Variants in SMCO3 observed in about 807,000 individuals in gnomAD.
SMCO3 encodes the protein single-pass membrane and coiled-coil domain-containing protein 3.
SMCO3 carries 6 observed loss-of-function variants against 12.0 expected under a neutral mutation model. The ratio of observed to expected loss-of-function variants is 0.50; its 90% CI spans 0.27 to 0.99. SMCO3 has a LOEUF of 0.99. Among genes scored for constraint, SMCO3 ranks in the 50% least tolerant of loss-of-function variants. The pLI, the probability that SMCO3 is intolerant of heterozygous loss-of-function variation, is 0.11. For missense variants in SMCO3, 279 were observed against 265.0 expected (o/e 1.05, Z -0.37); for synonymous variants, 96 against 96.4 (o/e 1.00, Z 0.02).
chr12:14,813,619 G>A (rs1356977035), intron 1 of SMCO3, among the ~76,000 whole-genome samples: 2 of 152,168 alleles, frequency 1.3e-5, no homozygotes, highest in East Asian at 1.9e-4. Context: ...CCCTCAAGAC[G>A]ATAACAGCCT....
chr12:14,811,025 C>A (rs977111561), intron 1 of SMCO3, among the ~76,000 whole-genome samples: 27 of 152,276 alleles, frequency 1.8e-4, no homozygotes, highest in Admixed American at 7.2e-4. Context: ...TCATTGATGA[C>A]CTGTCACTTT....
Position 14,806,339 on chromosome 12 carries a change from T to A in SMCO3, c.342A>T (p.Gln114His), listed in dbSNP as rs1242726116. Residue 114 changes from glutamine to histidine, a missense_variant, in exon 2 of 2, where the codon CAA becomes CAT. By Grantham distance (24) the Gln-to-His change is conservative. Coordinates refer to ENST00000316048, the MANE Select transcript of SMCO3 (RefSeq NM_001013698.2). The part of the protein sequence containing the change: ...EKETDKIAIV[Q>H]KVISVILGEA... ...CTCCCAGGATGACCGAAATAACCTT[T>A]TGCACTATTGCAATTTTGTCTGTTT... 3 of 1,614,216 alleles carry A rather than the reference T, an allele frequency of 1.9e-6. No individual in the cohort carries two copies. The Admixed American group carries it at 5.0e-5, about 27-fold the overall frequency.
chr12:14,812,762 A>G (rs938444738), intron 1 of SMCO3, among the ~76,000 whole-genome samples: 10 of 151,854 alleles, frequency 6.6e-5, no homozygotes, highest in African/African-American at 9.7e-5. Flanking sequence ...AATTTTTACA[A>G]TTTTTATTTT....
chr12:14,805,650 A>G lies in SMCO3; in HGVS notation c.*353T>C, dbSNP rs1026594770. 2 of 181,034 alleles carry G rather than the reference A, an allele frequency of 1.1e-5. No individual in the cohort carries two copies. The highest frequency in any genetic ancestry group is 2.3e-5 in the Non-Finnish European group (2 of 87,482). The allele number at this position is 181,034 out of a possible 1,614,324, so 11.2% of individuals were successfully genotyped here. On this transcript the variant is annotated 3_prime_UTR_variant, in exon 2 of 2. Coordinates refer to ENST00000316048, the MANE Select transcript of SMCO3 (RefSeq NM_001013698.2). Reference sequence around the variant, plus strand: ...TGGTGGTAGAAATGAAAGTCTCTGCATTCAATGTGAAATTTAAGAATTTTA... The same window carrying G: ...TGGTGGTAGAAATGAAAGTCTCTGCGTTCAATGTGAAATTTAAGAATTTTA...
chr12:14,807,117 C>T (rs1246335500), intron 1 of SMCO3, among the ~76,000 whole-genome samples: 1 of 152,214 alleles, frequency 6.6e-6, no homozygotes, highest in Non-Finnish European at 1.5e-5. Flanking sequence ...CAGGCGTGAG[C>T]CACTGTGCCC....
Position 14,804,735 on chromosome 12 carries a change from T to G in SMCO3, c.*1268A>C, listed in dbSNP as rs150423686. On this transcript the variant is annotated 3_prime_UTR_variant, in exon 2 of 2. Transcript: ENST00000316048. The stretch of plus-strand genomic sequence containing the variant: ...GTGATCATAGTTTTGCAACTCGTTT[T>G]GAAAAACAATGCAAGAAGAGAAAGA... 3 of 152,358 alleles carry G rather than the reference T, an allele frequency of 2.0e-5. No homozygotes were observed. The East Asian group carries it at 5.8e-4, about 29-fold the overall frequency. 9.4% of individuals were successfully genotyped at this position (152,358 alleles called of 1,614,324 possible).
rs1296606809 is a variant in SMCO3 at position 14,805,017 on chromosome 12, G to A, written c.*986C>T. 3 of 152,184 alleles carry A rather than the reference G, an allele frequency of 2.0e-5. No homozygotes were observed. The highest frequency in any genetic ancestry group is 1.9e-4 in the East Asian group (1 of 5,204). The allele number at this position is 152,184 out of a possible 1,614,324, so 9.4% of individuals were successfully genotyped here. ...ACAAACACATCTGCAGAGATTCAGC[G>A]GAACCATTAATAGGCTTCCATAGCC... On this transcript the variant is annotated 3_prime_UTR_variant, in exon 2 of 2. Coordinates refer to ENST00000316048, the MANE Select transcript of SMCO3 (RefSeq NM_001013698.2).
chr12:14,812,422 T>G (rs12146743), intron 1 of SMCO3, among the ~76,000 whole-genome samples: 2 of 151,710 alleles, frequency 1.3e-5, no homozygotes, highest in African/African-American at 4.8e-5. Context: ...CCGGCCTGGG[T>G]GACAGAGGGA....
chr12:14,810,186 T>C (rs1267499755), intron 1 of SMCO3, among the ~76,000 whole-genome samples: 19 of 152,200 alleles, frequency 1.2e-4, no homozygotes, highest in Non-Finnish European at 2.9e-5. Context: ...GGGGAGGGTT[T>C]TCTTGTGCTA....
At position 14,806,188 on chromosome 12, in the gene SMCO3, C is replaced by G; in HGVS notation, c.493G>C (p.Val165Leu). 3.1e-6 allele frequency: 5 copies of G among 1,614,100 alleles called. No homozygotes were observed. The highest frequency in any genetic ancestry group is 4.2e-6 in the Non-Finnish European group (5 of 1,179,980). Residue 165 changes from valine (V) to leucine (L), a missense_variant, in exon 2 of 2, where the codon GTT (valine) becomes CTT (leucine). Transcript: ENST00000316048. ...TCTATGCCAAGGCCAAGAACAGCAACTCCAATACTACCAAGGAGAGAAGCA... is the reference window on the plus strand; with the variant it reads ...TCTATGCCAAGGCCAAGAACAGCAAGTCCAATACTACCAAGGAGAGAAGCA... The part of the protein sequence containing the change: ...IGASLLGSIG[V>L]AVLGLGIDMI...
chr12:14,806,521 T>C lies in SMCO3; in HGVS notation c.160A>G (p.Ile54Val), dbSNP rs1164345840. 1.2e-6 allele frequency: 2 copies of C among 1,614,148 alleles called. No homozygotes were observed. Among genetic ancestry groups the C allele is most frequent in the East Asian group, 4.5e-5 (2 of 44,870 alleles). ...NMHLGCRLAS[I>V]EMKRDGTIKE... ...ATGGTCCCATCTCTTTTCATCTCAA[T>C]GGAGGCCAGCCTGCACCCCAAGTGC... Residue 54 changes from isoleucine to valine, a missense_variant, in exon 2 of 2, where the codon ATT becomes GTT. Coordinates refer to ENST00000316048, the MANE Select transcript of SMCO3 (RefSeq NM_001013698.2).
At position 14,806,435 on chromosome 12, in the gene SMCO3, C is replaced by T. The variant is rs920907729; in HGVS notation, c.246G>A (p.Lys82=). 3 of 1,614,036 alleles carry T rather than the reference C, an allele frequency of 1.9e-6. No individual in the cohort carries two copies. The highest frequency in any genetic ancestry group is 2.7e-5 in the African/African-American group (2 of 74,896). The change falls in exon 2 of 2, where the codon AAG becomes AAA. Residue 82 remains lysine, a synonymous_variant. Coordinates refer to ENST00000316048, the MANE Select transcript of SMCO3 (RefSeq NM_001013698.2). Reference sequence around the variant, plus strand: ...GCTTATCTTTTAGTGCTTCATCAACCTTCTGCAATTCCTTTTGGATTTTCA... The same window carrying T: ...GCTTATCTTTTAGTGCTTCATCAACTTTCTGCAATTCCTTTTGGATTTTCA... ...AIMKIQKELQ[K]VDEALKDKLE... is the part of the protein sequence containing the mutation.
intron 1 of SMCO3, among the ~76,000 whole-genome samples, chr12:14,808,788 A>G (rs1051796263): frequency 1.3e-5 from 2 of 152,234 alleles, no homozygotes; most frequent in African/African-American, 4.8e-5. Context: ...ACACATACAC[A>G]TATATACAGG....
intron 1 of SMCO3, among the ~76,000 whole-genome samples, chr12:14,809,063 C>T (rs1007121182): frequency 6.6e-6 from 1 of 152,178 alleles, no homozygotes; most frequent in African/African-American, 2.4e-5. Context: ...TTCTGACTGA[C>T]AGGAGAAAAT....
At chr12:14,813,567 T>C (rs1216310111) in intron 1 of SMCO3, among the ~76,000 whole-genome samples, 3 of 152,262 alleles carry the variant, frequency 2.0e-5, no homozygotes, top group Non-Finnish European at 2.9e-5. Flanking sequence ...GTGAAGCCTC[T>C]ACTGTGTCCC....
Position 14,812,171 on chromosome 12 carries a change from G to A in SMCO3, c.-17+1955C>T, listed in dbSNP as rs187111101. Among the ~76,000 whole-genome samples, 18 of 152,346 alleles carry A rather than the reference G, an allele frequency of 1.2e-4. 1 individual carries two copies. The East Asian group carries it at 3.1e-3, about 26-fold the overall frequency. On this transcript the variant is annotated intron_variant, in intron 1 of 1. Coordinates refer to ENST00000316048, the MANE Select transcript of SMCO3 (RefSeq NM_001013698.2). ...TAGCTTTAAAAATATTTGGCCGGGCGTGGTGGCTCACGCCTGTAATCCGAG... is the reference window on the plus strand; with the variant it reads ...TAGCTTTAAAAATATTTGGCCGGGCATGGTGGCTCACGCCTGTAATCCGAG...
At position 14,806,712 on chromosome 12, in the gene SMCO3, G is replaced by T. The variant is rs559452173; in HGVS notation, c.-16-16C>A. 17 of 1,542,772 alleles carry T rather than the reference G, an allele frequency of 1.1e-5. No homozygotes were observed. In the South Asian group the frequency reaches 2.1e-4, roughly 19 times the overall value. ...AATATGATCGCTGAAAAATAAAATG[G>T]TAAATTTTTACTGAAAGTCTTAAAA... On this transcript the variant is annotated splice_polypyrimidine_tract_variant and intron_variant, in intron 1 of 1. Transcript: ENST00000316048.
rs1950021639 is a variant in SMCO3 at position 14,804,731 on chromosome 12, G to A, written c.*1272C>T. The A allele has an allele frequency of 6.6e-6, 1 of 152,104 alleles. No homozygotes were observed. The highest frequency in any genetic ancestry group is 1.5e-5 in the Non-Finnish European group (1 of 68,024). The allele number at this position is 152,104 out of a possible 1,614,324, so 9.4% of individuals were successfully genotyped here. On this transcript the variant is annotated 3_prime_UTR_variant, in exon 2 of 2. Transcript: ENST00000316048. ...ATTAGTGATCATAGTTTTGCAACTC[G>A]TTTTGAAAAACAATGCAAGAAGAGA...
intron 1 of SMCO3, among the ~76,000 whole-genome samples, chr12:14,811,187 C>A (rs1950130238): frequency 6.6e-6 from 1 of 152,184 alleles, no homozygotes; most frequent in Non-Finnish European, 1.5e-5. Context: ...GAATTACCAT[C>A]CACTTTTGTA....
Sources: gnomAD v4.1 joint callset for allele counts (sites outside exome capture counted in the v4.1 genomes callset) on GRCh38, gnomAD v4.1.1 for gene constraint, MANE v1.5 for transcripts, NCBI Gene and HGNC (gene_info 2026-07-23, HGNC 2026-07-21) for gene names.